Variants in FHIT observed in about 807,000 individuals in gnomAD.
FHIT encodes fragile histidine triad diadenosine triphosphatase.
FHIT carries 19 observed loss-of-function variants against 17.9 expected under a neutral mutation model. The ratio of observed to expected loss-of-function variants is 1.06; its 90% CI spans 0.74 to 1.56. The LOEUF is 1.56. Ranked by LOEUF, FHIT falls within the 40% of genes most tolerant of loss-of-function variation. The probability of loss-of-function intolerance (pLI) is 0.00; values close to 1 mark genes in which losing one functional copy is unlikely to be tolerated. For missense variants in FHIT, 248 were observed against 189.2 expected (o/e 1.31, Z -1.82); for synonymous variants, 81 against 69.7 (o/e 1.16, Z -0.81).
chr3:60,939,880 T>C (rs1036649145), intron 3 of FHIT, among the ~76,000 whole-genome samples: 1 of 152,194 alleles, frequency 6.6e-6, no homozygotes, highest in Non-Finnish European at 1.5e-5. Flanking sequence ...GGTCTTTGAT[T>C]TGAAACAGCT....
At chr3:60,702,131 T>G (rs2041262680) in intron 4 of FHIT, among the ~76,000 whole-genome samples, 1 of 152,188 alleles carries the variant, frequency 6.6e-6, no homozygotes, top group Non-Finnish European at 1.5e-5. Flanking sequence ...CCCAAAATGC[T>G]GGGATTATAG....
intron 1 of FHIT, among the ~76,000 whole-genome samples, chr3:61,201,748 C>T (rs75451531): frequency 0.11 from 16,285 of 151,292 alleles, 1,060 homozygotes; most frequent in South Asian, 0.21. Flanking sequence ...CTCCTTCCCC[C>T]TGAGCTACAC....
At chr3:59,939,439 C>T (rs964794091) in intron 7 of FHIT, among the ~76,000 whole-genome samples, 18 of 152,128 alleles carry the variant, frequency 1.2e-4, no homozygotes, top group Admixed American at 2.0e-4. Context: ...TTTACAGTGG[C>T]GGAGACCTTT....
intron 4 of FHIT, among the ~76,000 whole-genome samples, chr3:60,737,118 T>C (rs2042148946): frequency 1.3e-5 from 2 of 152,186 alleles, no homozygotes; most frequent in Non-Finnish European, 2.9e-5. Context: ...GCATGCAACA[T>C]ATTGCCACTG....
At chr3:60,358,980 T>C (rs904201704) in intron 5 of FHIT, among the ~76,000 whole-genome samples, 3 of 152,202 alleles carry the variant, frequency 2.0e-5, no homozygotes, top group Non-Finnish European at 4.4e-5. Context: ...TGAGGGCTTG[T>C]AGTCTACTTG....
At chr3:61,078,351 G>A (rs2035032234) in intron 2 of FHIT, among the ~76,000 whole-genome samples, 1 of 152,048 alleles carries the variant, frequency 6.6e-6, no homozygotes, top group African/African-American at 2.4e-5. Flanking sequence ...CAATAGACAG[G>A]GTATTAGTCG....
chr3:60,075,051 C>A (rs1254790694), intron 5 of FHIT, among the ~76,000 whole-genome samples: 1 of 152,056 alleles, frequency 6.6e-6, no homozygotes, highest in Non-Finnish European at 1.5e-5. Flanking sequence ...TTTCTGCCCC[C>A]CTAAAATGTC....
chr3:60,789,242 A>T (rs540067224), intron 4 of FHIT, among the ~76,000 whole-genome samples: 1 of 151,798 alleles, frequency 6.6e-6, no homozygotes, highest in East Asian at 1.9e-4. Flanking sequence ...AAGGTTGGCC[A>T]GGTGCTGTGG....
intron 7 of FHIT, among the ~76,000 whole-genome samples, chr3:59,923,221 CAAAAAAAAAAAAAA>C (rs532237239): frequency 1.5e-5 from 1 of 67,456 alleles, no homozygotes; most frequent in South Asian, 8.8e-4. Context: ...CGAGACTCCT[CAAAAAAAAAAAAAA>C]AAAAAAAAAA....
intron 4 of FHIT, among the ~76,000 whole-genome samples, chr3:60,711,320 G>C (rs1463595760): frequency 2.6e-5 from 4 of 152,064 alleles, no homozygotes; most frequent in Non-Finnish European, 5.9e-5. Context: ...CACAAAGATG[G>C]GGAAAAAACA....
chr3:60,076,957 T>C (rs983357785), intron 5 of FHIT, among the ~76,000 whole-genome samples: 6 of 152,086 alleles, frequency 3.9e-5, no homozygotes, highest in Non-Finnish European at 5.9e-5. Flanking sequence ...GGCAAAAAGT[T>C]AAGCTTCTAT....
At chr3:60,921,886 C>T (rs940081166) in intron 3 of FHIT, among the ~76,000 whole-genome samples, 1 of 152,176 alleles carries the variant, frequency 6.6e-6, no homozygotes, top group African/African-American at 2.4e-5. Context: ...CATGCCAAGA[C>T]ATCACAGTGT....
At chr3:60,048,763 C>T (rs1701756220) in intron 5 of FHIT, among the ~76,000 whole-genome samples, 2 of 152,140 alleles carry the variant, frequency 1.3e-5, no homozygotes, top group Admixed American at 1.3e-4. Flanking sequence ...TTCAGGTAAA[C>T]GTCCTTTGAT....
intron 5 of FHIT, among the ~76,000 whole-genome samples, chr3:60,110,808 C>G (rs1270759219): frequency 1.3e-5 from 2 of 152,190 alleles, no homozygotes; most frequent in Non-Finnish European, 2.9e-5. Context: ...AAAAACCACT[C>G]AAGATTTCTT....
intron 4 of FHIT, among the ~76,000 whole-genome samples, chr3:60,672,581 T>G (rs1439529093): frequency 5.3e-5 from 8 of 152,212 alleles, no homozygotes; most frequent in African/African-American, 1.9e-4. Flanking sequence ...CTTCAGTTAC[T>G]TCGGGCCATC....
intron 8 of FHIT, among the ~76,000 whole-genome samples, chr3:59,782,248 C>G (rs1702624339): frequency 6.6e-6 from 1 of 152,164 alleles, no homozygotes; most frequent in Non-Finnish European, 1.5e-5. Flanking sequence ...GCTACTGCGC[C>G]TGGCCATCAA....
intron 2 of FHIT, among the ~76,000 whole-genome samples, chr3:61,079,604 T>C (rs926552907): frequency 1.4e-4 from 22 of 152,226 alleles, no homozygotes; most frequent in African/African-American, 5.1e-4. Flanking sequence ...AAATCTCTAG[T>C]GTCTATGTAA....
At chr3:59,753,096 T>C (rs1188278480) in intron 8 of FHIT, among the ~76,000 whole-genome samples, 1 of 148,240 alleles carries the variant, frequency 6.7e-6, no homozygotes, top group Non-Finnish European at 1.5e-5. Context: ...AATCCCCTCC[T>C]TCAAGGTGGC....
chr3:60,527,481 T>C (rs567970779), intron 5 of FHIT, among the ~76,000 whole-genome samples: 9 of 152,240 alleles, frequency 5.9e-5, no homozygotes, highest in South Asian at 2.1e-4. Flanking sequence ...AGGAGAAAAA[T>C]TGGAGAGCCA....
Sources: gnomAD v4.1 joint callset for allele counts (sites outside exome capture counted in the v4.1 genomes callset) on GRCh38, gnomAD v4.1.1 for gene constraint, MANE v1.5 for transcripts, NCBI Gene and HGNC (gene_info 2026-07-23, HGNC 2026-07-21) for gene names.